The following CTNNA2 variants were observed in gnomAD, a reference collection of about 807,000 sequenced individuals.
CTNNA2 encodes catenin alpha-2.
A neutral mutation model predicts 101.0 loss-of-function variants in CTNNA2; 42 were observed. That is an observed-to-expected ratio of 0.42 (90% CI 0.32 to 0.54). The LOEUF (loss-of-function observed/expected upper bound fraction) is 0.54. Among genes scored for constraint, CTNNA2 ranks in the 20% least tolerant of loss-of-function variants. CTNNA2 has a pLI of 0.14. For missense variants in CTNNA2, 871 were observed against 1,223.1 expected, an observed-to-expected ratio of 0.71 and a Z score of 4.29; for synonymous variants, 450 against 456.4, an observed-to-expected ratio of 0.99 and a Z score of 0.18.
intron 2 of CTNNA2, among the ~76,000 whole-genome samples, chr2:79,700,198 A>G (rs1345727167): frequency 1.3e-5 from 2 of 152,150 alleles, no homozygotes; most frequent in Non-Finnish European, 2.9e-5. Flanking sequence ...TGAATATAAC[A>G]TATCTATGCA....
intron 2 of CTNNA2, among the ~76,000 whole-genome samples, chr2:79,675,829 T>C (rs1558827453): frequency 6.6e-6 from 1 of 152,208 alleles, no homozygotes; most frequent in African/African-American, 2.4e-5. Context: ...TACAAGGATA[T>C]AAAAAATGTA....
At chr2:80,182,353 T>C (rs1705838477) in intron 7 of CTNNA2, among the ~76,000 whole-genome samples, 1 of 152,224 alleles carries the variant, frequency 6.6e-6, no homozygotes, top group African/African-American at 2.4e-5. Context: ...CACATTCCTC[T>C]GCCTGCTTTT....
intron 7 of CTNNA2, among the ~76,000 whole-genome samples, chr2:80,147,689 T>G (rs1703437834): frequency 6.6e-6 from 1 of 152,218 alleles, no homozygotes; most frequent in African/African-American, 2.4e-5. Flanking sequence ...TGTAGCAGGC[T>G]AATGCATTTC....
chr2:80,179,400 G>C (rs1705613067), intron 7 of CTNNA2, among the ~76,000 whole-genome samples: 1 of 151,934 alleles, frequency 6.6e-6, no homozygotes, highest in African/African-American at 2.4e-5. Context: ...TTGAGACGGA[G>C]TCTCGCTCTG....
chr2:80,141,381 A>C (rs928558342), intron 7 of CTNNA2, among the ~76,000 whole-genome samples: 1 of 152,078 alleles, frequency 6.6e-6, no homozygotes, highest in Non-Finnish European at 1.5e-5. Context: ...GTTTAACAGC[A>C]GTAAGGTTCA....
chr2:79,832,446 C>A (rs73941327), intron 3 of CTNNA2, among the ~76,000 whole-genome samples: 1,627 of 152,272 alleles, frequency 0.011, 18 homozygotes, highest in African/African-American at 0.038. Context: ...TTTCTTGGGG[C>A]AATTAAATTA....
intron 2 of CTNNA2, among the ~76,000 whole-genome samples, chr2:79,262,026 G>A (rs1354784012): frequency 3.3e-5 from 5 of 152,164 alleles, no homozygotes; most frequent in African/African-American, 7.2e-5. Flanking sequence ...GCATGTCTAG[G>A]TCTGGGCATA....
In CTNNA2 at chr2:80,495,908, C is replaced by T. The variant is rs181187599; in HGVS notation, c.1291-49074C>T. Among the ~76,000 whole-genome samples, 681 of 140,434 alleles carry T rather than the reference C, an allele frequency of 4.8e-3. 2 individuals carry two copies. Among genetic ancestry groups the T allele is most frequent in the Non-Finnish European group, 6.6e-3 (440 of 66,376 alleles). The allele number at this position is 140,434 out of a possible 152,430, so 92.1% of individuals were successfully genotyped here. ...TGAGCCGAGATTATGCCACTGCACT[C>T]CAGCCTGGGCGGCAGAGCAAGACTC... On this transcript the variant is annotated intron_variant, in intron 9 of 18. Coordinates refer to ENST00000402739, the MANE Select transcript of CTNNA2 (RefSeq NM_001282597.3).
intron 7 of CTNNA2, among the ~76,000 whole-genome samples, chr2:80,112,965 C>A (rs1017633): frequency 0.24 from 36,159 of 151,952 alleles, 4,928 homozygotes; most frequent in East Asian, 0.51. Flanking sequence ...AGTATCTTAC[C>A]TGTGAGTTGC....
rs183847074 is a variant in CTNNA2, at chr2:80,203,207, C to T, written c.1057-190004C>T. 1.1e-3 allele frequency among the ~76,000 whole-genome samples: 166 copies of T among 152,280 alleles called. 2 individuals carry two copies. The highest frequency in any genetic ancestry group is 1.8e-3 in the Non-Finnish European group (120 of 68,018). On this transcript the variant is annotated intron_variant, in intron 7 of 18. Coordinates refer to ENST00000402739, the MANE Select transcript of CTNNA2 (RefSeq NM_001282597.3). ...AACTGTGTCATTCTGTCCCTGGCCC[C>T]TCTCAAATCTCATATCTTCACATTT...
chr2:80,459,711 C>A (rs1684269979), intron 9 of CTNNA2, among the ~76,000 whole-genome samples: 1 of 152,168 alleles, frequency 6.6e-6, no homozygotes, highest in Non-Finnish European at 1.5e-5. Flanking sequence ...TTTCCTCCTG[C>A]TATTCTGTAC....
intron 7 of CTNNA2, among the ~76,000 whole-genome samples, chr2:80,351,707 C>T (rs773617960): frequency 3.3e-5 from 5 of 152,136 alleles, no homozygotes; most frequent in East Asian, 1.9e-4. Flanking sequence ...TAACTAAAAT[C>T]GTGGTATAAT....
chr2:79,304,637 T>G (rs1676190530), intron 2 of CTNNA2, among the ~76,000 whole-genome samples: 1 of 152,188 alleles, frequency 6.6e-6, no homozygotes, highest in African/African-American at 2.4e-5. Flanking sequence ...CTTTTTCTGT[T>G]AAAATACATG....
chr2:79,995,014 T>A (rs947674216), intron 7 of CTNNA2, among the ~76,000 whole-genome samples: 1 of 152,156 alleles, frequency 6.6e-6, no homozygotes, highest in African/African-American at 2.4e-5. Flanking sequence ...GTAGTATCCA[T>A]TGGGCACCAC....
At chr2:80,512,524 A>G (rs1218138744) in intron 9 of CTNNA2, among the ~76,000 whole-genome samples, 7 of 152,174 alleles carry the variant, frequency 4.6e-5, no homozygotes, top group Non-Finnish European at 1.0e-4. Context: ...TGGGCCGTGT[A>G]TAGAAGATGA....
chr2:80,563,788 T>G (rs541736278), intron 12 of CTNNA2, among the ~76,000 whole-genome samples: 1 of 152,306 alleles, frequency 6.6e-6, no homozygotes, highest in South Asian at 2.1e-4. Context: ...TCGGTGTACC[T>G]GTTACTCTTA....
intron 1 of CTNNA2, among the ~76,000 whole-genome samples, chr2:79,191,636 C>T (rs1336931346): frequency 6.6e-6 from 1 of 152,164 alleles, no homozygotes; most frequent in Non-Finnish European, 1.5e-5. Flanking sequence ...CTACAACTTG[C>T]AGGCTGGGAA....
At chr2:80,019,048 A>G (rs1327022597) in intron 7 of CTNNA2, among the ~76,000 whole-genome samples, 1 of 152,200 alleles carries the variant, frequency 6.6e-6, no homozygotes, top group Non-Finnish European at 1.5e-5. Context: ...CAGTATAACC[A>G]CTATTTGCAT....
At chr2:80,552,378 T>A (rs552237609) in intron 11 of CTNNA2, among the ~76,000 whole-genome samples, 1 of 152,264 alleles carries the variant, frequency 6.6e-6, no homozygotes, top group East Asian at 1.9e-4. Flanking sequence ...AAACAAGACA[T>A]GCCTGTAGAT....
Sources: allele counts gnomAD v4.1 joint callset (sites outside exome capture counted in the v4.1 genomes callset), GRCh38; gene constraint gnomAD v4.1.1; transcripts MANE v1.5; gene names NCBI Gene and HGNC (gene_info 2026-07-23, HGNC 2026-07-21).